OR2T33: variants seen among roughly 807,000 people sequenced by gnomAD.
OR2T33 encodes olfactory receptor 2T33.
OR2T33 carries 10 observed loss-of-function variants against 14.0 expected under a neutral mutation model. The observed-to-expected ratio is 0.72, with a 90% confidence interval of 0.44 to 1.22. OR2T33 has a LOEUF of 1.22. Among genes scored for constraint, OR2T33 ranks in the 50% most tolerant of loss-of-function variants. The probability of loss-of-function intolerance (pLI) is 0.00; values close to 1 mark genes in which losing one functional copy is unlikely to be tolerated. For missense variants in OR2T33, 276 were observed against 405.9 expected, an observed-to-expected ratio of 0.68 and a Z score of 2.75; for synonymous variants, 103 against 159.4, an observed-to-expected ratio of 0.65 and a Z score of 2.66.
In OR2T33 at chr1:248,273,538, C is replaced by A. The variant is rs1486760162; in HGVS notation, c.277G>T (p.Ala93Ser). 6.2e-7 allele frequency: 1 copy of A among 1,612,906 alleles called. No individual in the cohort carries two copies. Among genetic ancestry groups the A allele is most frequent in the Non-Finnish European group, 8.5e-7 (1 of 1,179,848 alleles). ...YLTGSKAISR[A>S]GCGVQIFFLP... ...AAGAAGATCTGCACACCACAGCCAG[C>A]GCGGGAGATGGCCTTACTTCCGGTC... Residue 93 changes from alanine to serine, a missense_variant, in exon 2 of 2, where the codon GCT (alanine) becomes TCT (serine). Transcript: ENST00000641220.
In OR2T33 at chr1:248,277,899, T is replaced by A. The variant is rs1659466347; in HGVS notation, c.-143A>T. On this transcript the variant is annotated 5_prime_UTR_variant, in exon 1 of 2. Transcript: ENST00000641220. ...GCCTCTGGTCTCATGCTCTATTTAG[T>A]TAAAAATCCTATGTGGTCACTGAAA... 1 of 152,118 alleles carries A rather than the reference T, an allele frequency of 6.6e-6. No individual in the cohort carries two copies. Among genetic ancestry groups the A allele is most frequent in the Admixed American group, 6.6e-5 (1 of 15,260 alleles). The allele number at this position is 152,118 out of a possible 1,614,324, so 9.4% of individuals were successfully genotyped here.
rs1250448328 is a variant in OR2T33 at position 248,273,783 on chromosome 1, A to G, written c.32T>C (p.Ile11Thr). The G allele has an allele frequency of 1.2e-6, 2 of 1,612,694 alleles. No homozygotes were observed. The highest frequency in any genetic ancestry group is 1.7e-6 in the Non-Finnish European group (2 of 1,179,048). ...GGTGTGGTTAAAGAGTCCTAGGAGA[A>G]TAAAATCTGGGGTAGTATTTCTCAT... MEMRNTTPDFILLGLFNHTRA... is the reference protein window; with the variant it reads MEMRNTTPDFTLLGLFNHTRA... Residue 11 changes from isoleucine (I) to threonine (T), a missense_variant, in exon 2 of 2, where the codon ATT (isoleucine) becomes ACT (threonine). Ile to Thr is a moderately conservative substitution (Grantham distance 89). Transcript: ENST00000641220.
rs558626388 is a variant in OR2T33, at chr1:248,272,073, G to A, written c.*779C>T. 6.6e-6 allele frequency: 1 copy of A among 152,282 alleles called. No individual in the cohort carries two copies. Among genetic ancestry groups the A allele is most frequent in the East Asian group, 1.9e-4 (1 of 5,184 alleles). The allele number at this position is 152,282 out of a possible 1,614,324, so 9.4% of individuals were successfully genotyped here. A position where few individuals can be genotyped will look rare whatever the true frequency, so the allele number is the denominator to read the frequency against. Reference sequence around the variant, plus strand: ...ATAATTCATTGTTAGTAACTGTCAAGATTCAGCATGATTATGCAATTCAGA... The same window carrying A: ...ATAATTCATTGTTAGTAACTGTCAAAATTCAGCATGATTATGCAATTCAGA... On this transcript the variant is annotated 3_prime_UTR_variant, in exon 2 of 2. Coordinates refer to ENST00000641220, the MANE Select transcript of OR2T33 (RefSeq NM_001004695.2).
rs574673661 is a variant in OR2T33 at position 248,272,805 on chromosome 1, G to C, written c.*47C>G. The C allele has an allele frequency of 2.1e-5, 33 of 1,552,270 alleles. No individual in the cohort carries two copies. The highest frequency in any genetic ancestry group is 2.9e-5 in the Non-Finnish European group (33 of 1,153,892). ...TGCTAAAGGGAGAGAATAACAATGT[G>C]TTAAAATATTAATAAATTCAGGAAC... On this transcript the variant is annotated 3_prime_UTR_variant, in exon 2 of 2. Transcript: ENST00000641220.
rs985836425 is a variant in OR2T33 at position 248,270,786 on chromosome 1, A to G, written c.*2066T>C. 6.6e-6 allele frequency: 1 copy of G among 152,194 alleles called. No individual in the cohort carries two copies. The highest frequency in any genetic ancestry group is 2.4e-5 in the African/African-American group (1 of 41,454). 9.4% of individuals were successfully genotyped at this position (152,194 alleles called of 1,614,324 possible). On this transcript the variant is annotated 3_prime_UTR_variant, in exon 2 of 2. Coordinates refer to ENST00000641220, the MANE Select transcript of OR2T33 (RefSeq NM_001004695.2). Reference sequence around the variant, plus strand: ...CTAATCGTAGAAAACAAAATTATATATTGGACTTTACAAAAATCAAAATCT... The same window carrying G: ...CTAATCGTAGAAAACAAAATTATATGTTGGACTTTACAAAAATCAAAATCT...
In OR2T33 at chr1:248,273,066, T is replaced by A. The variant is rs1572821156; in HGVS notation, c.749A>T (p.Tyr250Phe). The part of the protein sequence containing the change: ...SSHVAVVGLF[Y>F]GAAIFTYMRP... ...CATATAGGTAAAAATGGCAGCTCCATAAAAGAGTCCCACCACAGCCACATG... is the reference window on the plus strand; with the variant it reads ...CATATAGGTAAAAATGGCAGCTCCAAAAAAGAGTCCCACCACAGCCACATG... The change falls in exon 2 of 2, where the codon TAT becomes TTT. Residue 250 changes from tyrosine (Y) to phenylalanine (F), a missense_variant. Coordinates refer to ENST00000641220, the MANE Select transcript of OR2T33 (RefSeq NM_001004695.2). 2 of 1,613,172 alleles carry A rather than the reference T, an allele frequency of 1.2e-6. No individual in the cohort carries two copies. Among genetic ancestry groups the A allele is most frequent in the Non-Finnish European group, 1.7e-6 (2 of 1,179,850 alleles).
Position 248,270,567 on chromosome 1 carries a change from T to C in OR2T33, c.*2285A>G, listed in dbSNP as rs1434110682. ...TGAAATGGGGAGAAAAACTGCTTAA[T>C]GGATGAGGGGTTTTACTTTGGAGTG... is the stretch of plus-strand genomic sequence containing the variant. On this transcript the variant is annotated 3_prime_UTR_variant, in exon 2 of 2. Transcript: ENST00000641220. The C allele has an allele frequency of 6.6e-6, 1 of 152,128 alleles. No individual in the cohort carries two copies. The highest frequency in any genetic ancestry group is 2.4e-5 in the African/African-American group (1 of 41,412). 9.4% of individuals were successfully genotyped at this position (152,128 alleles called of 1,614,324 possible).
rs755479810 is a variant in OR2T33, at chr1:248,273,810, T to C, written c.5A>G (p.Glu2Gly). The C allele has an allele frequency of 1.3e-6, 2 of 1,576,680 alleles. No individual in the cohort carries two copies. Among genetic ancestry groups the C allele is most frequent in the Admixed American group, 3.6e-5 (2 of 54,998 alleles). ...AAAATCTGGGGTAGTATTTCTCATC[T>C]CCATAATTTCCCCTGGTGTGATGGT... M[E>G]MRNTTPDFIL... Residue 2 changes from glutamate to glycine, a missense_variant, in exon 2 of 2, where the codon GAG becomes GGG. Transcript: ENST00000641220.
intron 1 of OR2T33, among the ~76,000 whole-genome samples, chr1:248,275,735 C>A (rs1391259252): frequency 1.8e-4 from 26 of 146,296 alleles, no homozygotes; most frequent in Admixed American, 3.4e-4. Context: ...AGAGAAGCAC[C>A]AAAAAAAAAA....
rs985375982 is a variant in OR2T33, at chr1:248,270,520, C to T, written c.*2332G>A. 6.6e-6 allele frequency: 1 copy of T among 152,054 alleles called. No homozygotes were observed. Among genetic ancestry groups the T allele is most frequent in the Non-Finnish European group, 1.5e-5 (1 of 68,030 alleles). 9.4% of individuals were successfully genotyped at this position (152,054 alleles called of 1,614,324 possible). ...TAGATAAATCCAGAGAGACCAAATG[C>T]AGATTGGCAGTTGCTAGGGGCTGAA... On this transcript the variant is annotated 3_prime_UTR_variant, in exon 2 of 2. Transcript: ENST00000641220.
In OR2T33 at chr1:248,273,232, T is replaced by C. The variant is rs771229670; in HGVS notation, c.583A>G (p.Asn195Asp). ...LACADTSVFE[N>D]AMYICCVLML... ...AACACACAGCAGATGTACATGGCGT[T>C]TTCGAAGACTGAAGTGTCAGCACAA... Residue 195 changes from asparagine to aspartate, a missense_variant, in exon 2 of 2, where the codon AAC (asparagine) becomes GAC (aspartate). Coordinates refer to ENST00000641220, the MANE Select transcript of OR2T33 (RefSeq NM_001004695.2). 8.7e-6 allele frequency: 14 copies of C among 1,609,426 alleles called. No individual in the cohort carries two copies. The Admixed American group carries it at 1.0e-4, about 12-fold the overall frequency.
Position 248,270,199 on chromosome 1 carries a change from C to T in OR2T33, c.*2653G>A, listed in dbSNP as rs1659351452. On this transcript the variant is annotated 3_prime_UTR_variant, in exon 2 of 2. Coordinates refer to ENST00000641220, the MANE Select transcript of OR2T33 (RefSeq NM_001004695.2). ...AAACCAAACACAGCATGTTCTCACT[C>T]ATAGGTGGGAATTGAACAATGAGAA... The T allele has an allele frequency of 6.6e-6, 1 of 152,050 alleles. No individual in the cohort carries two copies. Among genetic ancestry groups the T allele is most frequent in the Admixed American group, 6.6e-5 (1 of 15,244 alleles). 9.4% of individuals were successfully genotyped at this position (152,050 alleles called of 1,614,324 possible). A position where few individuals can be genotyped will look rare whatever the true frequency, so the allele number is the denominator to read the frequency against.
chr1:248,273,568 A>T lies in OR2T33; in HGVS notation c.247T>A (p.Tyr83Asn), dbSNP rs374096660. The change falls in exon 2 of 2, where the codon TAC becomes AAC. Residue 83 changes from tyrosine (Y) to asparagine (N), a missense_variant. Coordinates refer to ENST00000641220, the MANE Select transcript of OR2T33 (RefSeq NM_001004695.2). ...GAGATGGCCTTACTTCCGGTCAAGT[A>T]GTCAGCCGCCATTTTGGGCACAGTG... is the stretch of plus-strand genomic sequence containing the variant. Reference protein sequence around the residue: ...STTVPKMAADYLTGSKAISRA... With the variant: ...STTVPKMAADNLTGSKAISRA... 27 of 1,612,396 alleles carry T rather than the reference A, an allele frequency of 1.7e-5. No homozygotes were observed. In the African/African-American group the frequency reaches 3.2e-4, roughly 19 times the overall value.
intron 1 of OR2T33, among the ~76,000 whole-genome samples, chr1:248,276,941 T>A (rs1163604674): frequency 1.3e-5 from 2 of 151,938 alleles, no homozygotes; most frequent in Non-Finnish European, 2.9e-5. Flanking sequence ...GGACCATTAA[T>A]CCATCAACTA....
intron 1 of OR2T33, 48 bp from the exon 2 acceptor site, chr1:248,273,870 T>C: frequency 1.9e-6 from 3 of 1,567,844 alleles, no homozygotes; most frequent in Non-Finnish European, 2.6e-6. Context: ...GAGGCTTTTA[T>C]GGTCTGAATA....
At position 248,272,849 on chromosome 1, in the gene OR2T33, A is replaced by G. The variant is rs1192126754; in HGVS notation, c.*3T>C. On this transcript the variant is annotated 3_prime_UTR_variant, in exon 2 of 2. Coordinates refer to ENST00000641220, the MANE Select transcript of OR2T33 (RefSeq NM_001004695.2). ...CAGGAACTTAGACTCATTTGACATTAGATCATCTTGACCTGTGGGCCTCAT... is the reference window on the plus strand; with the variant it reads ...CAGGAACTTAGACTCATTTGACATTGGATCATCTTGACCTGTGGGCCTCAT... 2 of 1,605,570 alleles carry G rather than the reference A, an allele frequency of 1.2e-6. No homozygotes were observed. The highest frequency in any genetic ancestry group is 8.5e-7 in the Non-Finnish European group (1 of 1,175,976).
At chr1:248,277,152 T>TA (rs1472304192) in intron 1 of OR2T33, among the ~76,000 whole-genome samples, 2 of 150,530 alleles carry the variant, frequency 1.3e-5, no homozygotes, top group African/African-American at 2.4e-5. Flanking sequence ...ATATTTCTAG[T>TA]ATGTATATTT....
chr1:248,273,298 C>A lies in OR2T33; in HGVS notation c.517G>T (p.Asp173Tyr), dbSNP rs772644245. The A allele has an allele frequency of 2.5e-6, 4 of 1,610,268 alleles. No homozygotes were observed. The East Asian group carries it at 8.9e-5, about 36-fold the overall frequency. Residue 173 changes from aspartate to tyrosine, a missense_variant, in exon 2 of 2, where the codon GAT becomes TAT. By Grantham distance (160) the Asp-to-Tyr change is radical (BLOSUM62 -3). Transcript: ENST00000641220. The part of the protein sequence containing the change: ...SFPYCGAHEI[D>Y]HFFCETPVLV... ...ACGGGGGTCTCGCAGAAGAAGTGAT[C>A]GATCTCGTGTGCACCACAATATGGG...
chr1:248,275,156 G>A (rs995238289), intron 1 of OR2T33, among the ~76,000 whole-genome samples: 1 of 152,152 alleles, frequency 6.6e-6, no homozygotes, highest in African/African-American at 2.4e-5. Flanking sequence ...CTCATACACA[G>A]ATGGTCTCAT....
Sources: gnomAD v4.1 joint callset for allele counts (sites outside exome capture counted in the v4.1 genomes callset) on GRCh38, gnomAD v4.1.1 for gene constraint, MANE v1.5 for transcripts, NCBI Gene and HGNC (gene_info 2026-07-23, HGNC 2026-07-21) for gene names.